The following ZNF407 variants were observed in gnomAD, a reference collection of about 807,000 sequenced individuals.
ZNF407 encodes zinc finger protein 407.
Under a neutral mutation model 131.2 loss-of-function variants are expected in ZNF407, and 17 were observed. The ratio of observed to expected loss-of-function variants is 0.13; its 90% CI spans 0.09 to 0.19. The LOEUF is 0.19. Ranked by LOEUF, ZNF407 falls within the 10% of genes least tolerant of loss-of-function variation. The pLI is 1.00. For missense variants in ZNF407, 2,681 were observed against 2,830.6 expected (o/e 0.95, Z 1.20); for synonymous variants, 1,156 against 1,062.0 (o/e 1.09, Z -1.72).
intron 3 of ZNF407, among the ~76,000 whole-genome samples, chr18:74,714,417 AT>A (rs1399590917): frequency 6.6e-6 from 1 of 152,228 alleles, no homozygotes; most frequent in East Asian, 1.9e-4. Flanking sequence ...TGAAAGACAC[AT>A]TTATGAATTT....
At chr18:74,946,524 G>A (rs1972155563) in intron 8 of ZNF407, among the ~76,000 whole-genome samples, 1 of 152,144 alleles carries the variant, frequency 6.6e-6, no homozygotes, top group East Asian at 1.9e-4. Flanking sequence ...AAAATATTTT[G>A]ACCACACTTT....
chr18:74,844,041 A>G (rs957662565), intron 4 of ZNF407, among the ~76,000 whole-genome samples: 15 of 152,202 alleles, frequency 9.9e-5, no homozygotes, highest in Non-Finnish European at 1.9e-4. Flanking sequence ...ATGTAAAACA[A>G]TTAGGCTGTA....
chr18:74,950,713 G>A (rs371534318), intron 8 of ZNF407, among the ~76,000 whole-genome samples: 5 of 152,144 alleles, frequency 3.3e-5, no homozygotes, highest in African/African-American at 9.7e-5. Flanking sequence ...GTTTTGCTGC[G>A]CGTTAAGAAG....
At chr18:74,690,314 T>C (rs1029152681) in intron 3 of ZNF407, among the ~76,000 whole-genome samples, 1 of 152,168 alleles carries the variant, frequency 6.6e-6, no homozygotes, top group Non-Finnish European at 1.5e-5. Context: ...AAGATGTAAT[T>C]AACCACATGG....
chr18:74,620,305 T>A (rs1369044962), intron 1 of ZNF407, among the ~76,000 whole-genome samples: 17 of 152,186 alleles, frequency 1.1e-4, no homozygotes, highest in African/African-American at 4.1e-4. Context: ...GCAGGCCAAA[T>A]TTGATTTGTT....
chr18:74,719,993 C>T (rs145368921), intron 3 of ZNF407, among the ~76,000 whole-genome samples: 365 of 152,210 alleles, frequency 2.4e-3, no homozygotes, highest in African/African-American at 8.3e-3. Context: ...TGCTAATTTC[C>T]TTTCCTTTGG....
chr18:75,034,854 T>C (rs569064040), intron 8 of ZNF407, among the ~76,000 whole-genome samples: 1 of 152,170 alleles, frequency 6.6e-6, no homozygotes, highest in Non-Finnish European at 1.5e-5. Context: ...TAAGTTGACA[T>C]GTGGGAGGTT....
rs183119318 is a variant in ZNF407, at chr18:74,707,842, A to T, written c.4802+66720A>T. Among the ~76,000 whole-genome samples the T allele has an allele frequency of 9.5e-4, 145 of 152,360 alleles. No homozygotes were observed. The Middle Eastern group carries it at 0.01, about 11-fold the overall frequency. On this transcript the variant is annotated intron_variant, in intron 3 of 8. Transcript: ENST00000299687. ...CCTACATCTGGTGCTGTGCTGCCAC[A>T]GGTGATGCATTCAAAAAATATTTAT... is the stretch of plus-strand genomic sequence containing the variant.
intron 8 of ZNF407, among the ~76,000 whole-genome samples, chr18:75,017,126 G>A (rs907442403): frequency 1.3e-5 from 2 of 152,098 alleles, no homozygotes; most frequent in Admixed American, 1.3e-4. Context: ...AAAATGGATA[G>A]TTTTGTCTGA....
chr18:74,605,222 C>T (rs79778857), intron 1 of ZNF407, among the ~76,000 whole-genome samples: 1 of 120,826 alleles, frequency 8.3e-6, no homozygotes, highest in African/African-American at 3.0e-5. Context: ...CCTTCACCCC[C>T]AGCTACTTAG....
chr18:74,688,874 G>GC (rs1171954390), intron 3 of ZNF407, among the ~76,000 whole-genome samples: 1 of 152,052 alleles, frequency 6.6e-6, no homozygotes, highest in Non-Finnish European at 1.5e-5. Flanking sequence ...TGTCACCCAG[G>GC]CTAGAGTGCA....
chr18:74,997,072 G>A (rs1022333429), intron 8 of ZNF407, among the ~76,000 whole-genome samples: 6 of 152,194 alleles, frequency 3.9e-5, no homozygotes, highest in African/African-American at 1.4e-4. Context: ...GGACATTTCA[G>A]CTTAATATCA....
chr18:74,901,840 C>A (rs887690986), intron 7 of ZNF407, among the ~76,000 whole-genome samples: 1 of 151,720 alleles, frequency 6.6e-6, no homozygotes, highest in Non-Finnish European at 1.5e-5. Flanking sequence ...CTCTTTTTAA[C>A]AAAACAATCT....
intron 3 of ZNF407, among the ~76,000 whole-genome samples, chr18:74,697,369 T>A (rs1967383773): frequency 6.6e-6 from 1 of 152,174 alleles, no homozygotes; most frequent in Non-Finnish European, 1.5e-5. Context: ...AATATAAGTA[T>A]GATAGTCCAA....
In ZNF407 at chr18:74,665,558, C is replaced by T. The variant is rs554966; in HGVS notation, c.4802+24436C>T. Among the ~76,000 whole-genome samples, 909 of 152,230 alleles carry T rather than the reference C, an allele frequency of 6.0e-3. 11 individuals are homozygous for T. The highest frequency in any genetic ancestry group is 0.031 in the Middle Eastern group (9 of 294). ...ATACGTGTTTTGGCTGGTCACATTG[C>T]GCAAGTTTCAGTTACTAGAAAGGAA... On this transcript the variant is annotated intron_variant, in intron 3 of 8. Transcript: ENST00000299687.
intron 8 of ZNF407, among the ~76,000 whole-genome samples, chr18:74,935,240 CT>C (rs1972026787): frequency 6.6e-6 from 1 of 152,114 alleles, no homozygotes; most frequent in Admixed American, 6.5e-5. Flanking sequence ...TCATCTAAAG[CT>C]TTATTATTTT....
At chr18:74,960,336 T>G (rs1358791415) in intron 8 of ZNF407, among the ~76,000 whole-genome samples, 25 of 101,324 alleles carry the variant, frequency 2.5e-4, no homozygotes, top group Middle Eastern at 7.6e-3. Context: ...AGTGAGTGCT[T>G]GGTGGAGGGA....
chr18:74,617,893 T>G (rs1281913124), intron 1 of ZNF407, among the ~76,000 whole-genome samples: 2 of 152,230 alleles, frequency 1.3e-5, no homozygotes, highest in African/African-American at 4.8e-5. Context: ...GATTCTTGCT[T>G]GATATGGTCT....
intron 4 of ZNF407, among the ~76,000 whole-genome samples, chr18:74,862,096 A>G (rs759171400): frequency 1.3e-5 from 2 of 152,262 alleles, no homozygotes; most frequent in South Asian, 2.1e-4. Context: ...TTTCTTTAAA[A>G]GTTCTCTAAA....
Sources: allele counts gnomAD v4.1 joint callset (sites outside exome capture counted in the v4.1 genomes callset), GRCh38; gene constraint gnomAD v4.1.1; transcripts MANE v1.5; gene names NCBI Gene and HGNC (gene_info 2026-07-23, HGNC 2026-07-21).